Variants in C6orf62 observed in about 807,000 individuals in gnomAD.
C6orf62 encodes chromosome 6 open reading frame 62, also known as uncharacterized protein C6orf62.
In C6orf62, 16 loss-of-function variants were observed where a neutral mutation model predicts 26.8. The observed-to-expected ratio is 0.60, with a 90% CI of 0.40 to 0.91. The LOEUF (loss-of-function observed/expected upper bound fraction) is 0.91, where lower values mean the gene tolerates loss of function less well. Ranked by LOEUF, C6orf62 falls within the 40% of genes least tolerant of loss-of-function variation. The probability of loss-of-function intolerance (pLI) is 0.00; values close to 1 mark genes in which losing one functional copy is unlikely to be tolerated. For missense variants in C6orf62, 192 were observed against 271.4 expected, an observed-to-expected ratio of 0.71 and a Z score of 2.06; for synonymous variants, 112 against 91.5, an observed-to-expected ratio of 1.22 and a Z score of -1.28.
intron 4 of C6orf62, 60 bp downstream of exon 4, chr6:24,708,717 G>C (rs550655525): frequency 1.3e-6 from 2 of 1,599,982 alleles, no homozygotes; most frequent in Admixed American, 1.7e-5. Flanking sequence ...TATATAAAAC[G>C]TTTACTAACC....
intron 3 of C6orf62, chr6:24,710,492 G>C (rs995900267): frequency 1.5e-6 from 1 of 660,944 alleles, no homozygotes; most frequent in African/African-American, 2.0e-5. Context: ...TCAAACTCCC[G>C]ACCTCAGGTG....
In C6orf62 at chr6:24,718,540, C is replaced by T; in HGVS notation, c.129G>A (p.Lys43=). ...TTCACCATTAAGAACTTTAAATTAC[C>T]TTCTCCTTGAATACAAAGGCAATAT... ...KMYIAFVFKE[K]KKKSALFEVS... The change falls in exon 1 of 5, where the codon AAG becomes AAA. Residue 43 remains lysine (K), a splice_region_variant and synonymous_variant. Coordinates refer to ENST00000378119, the MANE Select transcript of C6orf62 (RefSeq NM_030939.5). 6.2e-7 allele frequency: 1 copy of T among 1,601,768 alleles called. No homozygotes were observed. Among genetic ancestry groups the T allele is most frequent in the African/African-American group, 1.3e-5 (1 of 74,306 alleles).
At chr6:24,718,364 A>T (rs934437209) in intron 1 of C6orf62, among the ~76,000 whole-genome samples, 176 bp downstream of exon 1, 9 of 152,240 alleles carry the variant, frequency 5.9e-5, no homozygotes, top group African/African-American at 2.2e-4. Context: ...GTCTTTTCGC[A>T]TGCTGCAACT....
At chr6:24,718,492 C>T (rs765623527) in intron 1 of C6orf62, 48 bp downstream of exon 1, 2 of 1,524,092 alleles carry the variant, frequency 1.3e-6, no homozygotes, top group Non-Finnish European at 1.8e-6. Flanking sequence ...ATAATATACA[C>T]TTACAAAAAT....
intron 4 of C6orf62, among the ~76,000 whole-genome samples, chr6:24,708,424 GCCT>G (rs1209169567): frequency 6.6e-6 from 1 of 151,994 alleles, no homozygotes; most frequent in Non-Finnish European, 1.5e-5. Context: ...TCTCACTGTA[GCCT>G]CCTAAGCTCA....
At position 24,716,823 on chromosome 6, in the gene C6orf62, G is replaced by C. The variant is rs545875288; in HGVS notation, c.130-499C>G. Among the ~76,000 whole-genome samples, 3 of 151,772 alleles carry C rather than the reference G, an allele frequency of 2.0e-5. No individual in the cohort carries two copies. In the South Asian group the frequency reaches 6.2e-4, roughly 32 times the overall value. ...CTTGCAACCTCTGCCTCCTGGGTTC[G>C]AGGGGATCTCCTGCCTCAGCCTCTC... On this transcript the variant is annotated intron_variant, in intron 1 of 4. Coordinates refer to ENST00000378119, the MANE Select transcript of C6orf62 (RefSeq NM_030939.5).
Position 24,716,158 on chromosome 6 carries a change from G to C in C6orf62, c.296C>G (p.Ser99Cys), listed in dbSNP as rs1277336825. 6.2e-7 allele frequency: 1 copy of C among 1,613,630 alleles called. No homozygotes were observed. The highest frequency in any genetic ancestry group is 8.5e-7 in the Non-Finnish European group (1 of 1,179,642). ...TAAGGCAGAACTTACCCTTCTCATA[G>C]ACTGATATCGAGGAGCATGGAGCTG... ...VVQLHAPRYQ[S>C]MRRDVIGCTQ... Residue 99 changes from serine (S) to cysteine (C), a missense_variant, in exon 2 of 5, where the codon TCT becomes TGT. Transcript: ENST00000378119.
intron 1 of C6orf62, 65 bp downstream of exon 1, chr6:24,718,475 G>A (rs773042443): frequency 5.6e-6 from 8 of 1,440,444 alleles, no homozygotes; most frequent in African/African-American, 2.9e-5. Context: ...TAATTTAAGA[G>A]TAACAAATAA....
intron 3 of C6orf62, among the ~76,000 whole-genome samples, chr6:24,712,366 A>G (rs1779137241): frequency 6.6e-6 from 1 of 151,126 alleles, no homozygotes; most frequent in Non-Finnish European, 1.5e-5. Context: ...TGGGCGACAG[A>G]GCAAGACCCT....
chr6:24,716,815 CTGGGTTCGAGGGGATCTCCTGCCTCA>C (rs1235068070), intron 1 of C6orf62, among the ~76,000 whole-genome samples: 1 of 151,994 alleles, frequency 6.6e-6, no homozygotes, highest in African/African-American at 2.4e-5. Flanking sequence ...CCTCTGCCTC[CTGGGTTCGAGGGGATCTCCTGCCTCA>C]GCCTCTCGAG....
chr6:24,715,349 G>C (rs367690741), intron 2 of C6orf62, among the ~76,000 whole-genome samples: 1 of 152,046 alleles, frequency 6.6e-6, no homozygotes, highest in South Asian at 2.1e-4. Flanking sequence ...TACAAAGCTG[G>C]AAGCACTTCC....
intron 4 of C6orf62, among the ~76,000 whole-genome samples, chr6:24,708,306 G>A (rs1303964677): frequency 2.0e-5 from 3 of 150,582 alleles, no homozygotes; most frequent in Non-Finnish European, 4.4e-5. Context: ...GCAAAATTTG[G>A]GAACCATTGT....
At chr6:24,709,761 G>C in intron 3 of C6orf62, 1 of 985,424 alleles carries the variant, frequency 1.0e-6, no homozygotes, top group Non-Finnish European at 1.2e-6. Flanking sequence ...CAAAATATCT[G>C]TTGGGCATGG....
In C6orf62 at chr6:24,706,140, C is replaced by T. The variant is rs752197011; in HGVS notation, c.687G>A (p.Glu229=). 1.1e-5 allele frequency: 18 copies of T among 1,614,048 alleles called. No individual in the cohort carries two copies. In the African/African-American group the frequency reaches 2.3e-4, roughly 20 times the overall value. ...CTCCATTTTGCTGGTCAGTACTCTA[C>T]TCTGGCATATAAGGACGGAGGTGAT... ...IEDHLRPYMP[E] Residue 229 remains glutamate (E), a synonymous_variant, in exon 5 of 5, where the codon GAG becomes GAA. Transcript: ENST00000378119.
intron 3 of C6orf62, 43 bp from the exon 4 acceptor site, chr6:24,708,954 T>C (rs1364140094): frequency 1.9e-6 from 3 of 1,611,980 alleles, no homozygotes; most frequent in Non-Finnish European, 2.5e-6. Flanking sequence ...ACAAACAAGT[T>C]ATACTACCTA....
At chr6:24,712,469 G>C (rs1398171474) in intron 3 of C6orf62, among the ~76,000 whole-genome samples, 3 of 152,002 alleles carry the variant, frequency 2.0e-5, no homozygotes, top group Non-Finnish European at 4.4e-5. Context: ...AAGAGATCGA[G>C]ACCATCCCGG....
rs558387386 is a variant in C6orf62, at chr6:24,710,634, A to G, written c.430-1723T>C. The G allele has an allele frequency of 1.5e-5, 15 of 984,816 alleles. No individual in the cohort carries two copies. In the South Asian group the frequency reaches 5.6e-4, roughly 37 times the overall value. The allele number at this position is 984,816 out of a possible 1,614,324, so 61.0% of individuals were successfully genotyped here. A position where few individuals can be genotyped will look rare whatever the true frequency, so the allele number is the denominator to read the frequency against. On this transcript the variant is annotated intron_variant, in intron 3 of 4. Transcript: ENST00000378119. Reference sequence around the variant, plus strand: ...AAGTAACAGTAAGTAACACGGGAACATTATGATTTTGGATTGCGCCTTTAA... The same window carrying G: ...AAGTAACAGTAAGTAACACGGGAACGTTATGATTTTGGATTGCGCCTTTAA...
At chr6:24,709,086 T>C (rs1017390750) in intron 3 of C6orf62, 175 bp from the exon 4 acceptor site, 1 of 985,114 alleles carries the variant, frequency 1.0e-6, no homozygotes, top group East Asian at 1.1e-4. Flanking sequence ...AAAATTTAGA[T>C]TAAAAGCAAT....
At chr6:24,720,402 G>C, upstream of C6orf62, 2 of 1,156,624 alleles carry the variant, frequency 1.7e-6, no homozygotes, top group Non-Finnish European at 2.1e-6. Context: ...TGGACCGCCC[G>C]CGCTGCTGCC....
Sources: allele counts gnomAD v4.1 joint callset (sites outside exome capture counted in the v4.1 genomes callset), GRCh38; gene constraint gnomAD v4.1.1; transcripts MANE v1.5; gene names NCBI Gene and HGNC (gene_info 2026-07-23, HGNC 2026-07-21).